The following TUSC3 variants were observed in gnomAD, a reference collection of about 807,000 sequenced individuals.
TUSC3 encodes dolichyl-diphosphooligosaccharide--protein glycosyltransferase subunit TUSC3.
A neutral mutation model predicts 44.8 loss-of-function variants in TUSC3; 45 were observed. The ratio of observed to expected loss-of-function variants is 1.00; its 90% confidence interval spans 0.79 to 1.29. TUSC3 has a LOEUF of 1.29. Ranked by LOEUF, TUSC3 falls within the 50% of genes most tolerant of loss-of-function variation. TUSC3 has a pLI of 0.00. For synonymous variants in TUSC3, 212 were observed against 152.9 expected, an observed-to-expected ratio of 1.39 and a Z score of -2.85; for missense variants, 519 against 437.9, an observed-to-expected ratio of 1.19 and a Z score of -1.65.
At chr8:15,471,422 T>A (rs1237486420) in intron 1 of TUSC3, among the ~76,000 whole-genome samples, 1 of 152,200 alleles carries the variant, frequency 6.6e-6, no homozygotes, top group Non-Finnish European at 1.5e-5. Flanking sequence ...TTGAGGATGT[T>A]AAGTGAAGAT....
chr8:15,808,908 C>G, the TUSC3 span, among the ~76,000 whole-genome samples: 1 of 152,042 alleles, frequency 6.6e-6, no homozygotes, highest in Non-Finnish European at 1.5e-5. Context: ...ACAAATTATA[C>G]ACACACACAT....
At chr8:15,645,848 C>T (rs1188371906) in intron 2 of TUSC3, among the ~76,000 whole-genome samples, 1 of 151,994 alleles carries the variant, frequency 6.6e-6, no homozygotes, top group Non-Finnish European at 1.5e-5. Flanking sequence ...GGAAATCTGC[C>T]TTAAAAGAGA....
chr8:15,636,470 T>C (rs909561738), intron 2 of TUSC3, among the ~76,000 whole-genome samples: 8 of 152,106 alleles, frequency 5.3e-5, no homozygotes, highest in African/African-American at 1.7e-4. Flanking sequence ...AACCCCAGAA[T>C]AGAGATATTA....
intron 6 of TUSC3, among the ~76,000 whole-genome samples, chr8:15,702,488 G>A (rs76328414): frequency 6.6e-6 from 1 of 151,978 alleles, no homozygotes; most frequent in Non-Finnish European, 1.5e-5. Flanking sequence ...ACCTTCCAAG[G>A]TTCTCATATC....
At chr8:15,845,292 G>A in the TUSC3 span, among the ~76,000 whole-genome samples, 1 of 152,114 alleles carries the variant, frequency 6.6e-6, no homozygotes, top group East Asian at 1.9e-4. Flanking sequence ...CGTGAATTCT[G>A]CAAAGTGAGG....
chr8:15,832,462 T>A, the TUSC3 span, among the ~76,000 whole-genome samples: 1 of 152,142 alleles, frequency 6.6e-6, no homozygotes. Flanking sequence ...ATGGGCTAAA[T>A]GTCCCAATCA....
Position 15,730,683 on chromosome 8 carries a change from C to A in TUSC3, c.816C>A (p.Ser272Arg). The change falls in exon 7 of 11, where the codon AGC becomes AGA. Residue 272 changes from serine to arginine, a missense_variant. By Grantham distance (110) the Ser-to-Arg change is moderately radical. Transcript: ENST00000503731. ...HNGQVSYIHG[S>R]SQAQFVAESH... ...TTTTATAGAGCTACATTCATGGGAG[C>A]AGCCAGGCTCAGTTTGTGGCAGAAT... 6.2e-7 allele frequency: 1 copy of A among 1,613,026 alleles called. No homozygotes were observed. The highest frequency in any genetic ancestry group is 8.5e-7 in the Non-Finnish European group (1 of 1,179,352).
the TUSC3 span, among the ~76,000 whole-genome samples, chr8:15,794,675 A>G: frequency 6.6e-6 from 1 of 150,516 alleles, no homozygotes; most frequent in African/African-American, 2.4e-5. Context: ...GCCCAATGAC[A>G]CCTGCATGTG....
At chr8:15,671,897 C>A (rs28502751) in intron 5 of TUSC3, among the ~76,000 whole-genome samples, 4,592 of 151,934 alleles carry the variant, frequency 0.03, 215 homozygotes, top group African/African-American at 0.1. Flanking sequence ...CTGAGGATGG[C>A]AAGCCTCTTT....
At chr8:15,751,481 A>C (rs1195210444) in intron 9 of TUSC3, among the ~76,000 whole-genome samples, 2 of 151,666 alleles carry the variant, frequency 1.3e-5, no homozygotes, top group African/African-American at 4.9e-5. Flanking sequence ...ACCGGTTCTC[A>C]CTCTCTCAAC....
At chr8:15,624,067 A>G (rs942488471) in intron 2 of TUSC3, among the ~76,000 whole-genome samples, 2 of 152,142 alleles carry the variant, frequency 1.3e-5, no homozygotes, top group Non-Finnish European at 2.9e-5. Flanking sequence ...ATGGAATTGT[A>G]TGGTACGTGA....
chr8:15,546,529 A>C (rs1801868100), intron 1 of TUSC3, among the ~76,000 whole-genome samples: 1 of 151,656 alleles, frequency 6.6e-6, no homozygotes, highest in Admixed American at 6.6e-5. Context: ...ATTCAGAAGA[A>C]TAATTTTTTC....
At chr8:15,615,585 A>G (rs1804952073) in intron 1 of TUSC3, among the ~76,000 whole-genome samples, 1 of 152,184 alleles carries the variant, frequency 6.6e-6, no homozygotes. Context: ...ACACTAATAT[A>G]CTATATATTT....
intron 1 of TUSC3, among the ~76,000 whole-genome samples, chr8:15,593,329 G>A (rs188628691): frequency 2.0e-5 from 3 of 152,068 alleles, no homozygotes; most frequent in Admixed American, 6.5e-5. Context: ...CAGGTGATCC[G>A]CCCGCTTCGG....
intron 1 of TUSC3, among the ~76,000 whole-genome samples, chr8:15,591,312 A>T (rs1278474734): frequency 6.8e-6 from 1 of 145,992 alleles, no homozygotes. Flanking sequence ...TATTATGTCT[A>T]CATTTATGTA....
chr8:15,748,406 C>A lies in TUSC3; in HGVS notation c.969C>A (p.Val323=). 1 of 1,613,262 alleles carries A rather than the reference C, an allele frequency of 6.2e-7. No individual in the cohort carries two copies. Among genetic ancestry groups the A allele is most frequent in the Non-Finnish European group, 8.5e-7 (1 of 1,179,464 alleles). Residue 323 remains valine (V), a synonymous_variant, in exon 9 of 11, where the codon GTC becomes GTA. Transcript: ENST00000503731. Reference sequence around the variant, plus strand: ...GCCTAGTGGGATTGGGCCTGGTGGTCTTCTTCTTCAGTTTTCTACTTTCAA... The same window carrying A: ...GCCTAGTGGGATTGGGCCTGGTGGTATTCTTCTTCAGTTTTCTACTTTCAA... ...IICLVGLGLV[V]FFFSFLLSIF...
intron 1 of TUSC3, among the ~76,000 whole-genome samples, chr8:15,572,371 C>A (rs577668062): frequency 2.0e-5 from 3 of 152,224 alleles, no homozygotes; most frequent in Middle Eastern, 3.4e-3. Flanking sequence ...CCTGTTTCAG[C>A]CTTCATTGGA....
intron 1 of TUSC3, among the ~76,000 whole-genome samples, chr8:15,602,802 C>G (rs1306435321): frequency 6.6e-6 from 1 of 150,938 alleles, no homozygotes; most frequent in Non-Finnish European, 1.5e-5. Flanking sequence ...TTTTTATTAT[C>G]ACATGTTATT....
intron 5 of TUSC3, among the ~76,000 whole-genome samples, chr8:15,672,192 G>C (rs761186430): frequency 6.6e-6 from 1 of 152,020 alleles, no homozygotes; most frequent in Non-Finnish European, 1.5e-5. Flanking sequence ...GCTATTTAAG[G>C]AGTATGGGAG....
Sources: allele counts gnomAD v4.1 joint callset (sites outside exome capture counted in the v4.1 genomes callset), GRCh38; gene constraint gnomAD v4.1.1; transcripts MANE v1.5; gene names NCBI Gene and HGNC (gene_info 2026-07-23, HGNC 2026-07-21).